NSD3: variants seen among roughly 807,000 people sequenced by gnomAD.
The protein encoded by NSD3 is nuclear receptor binding SET domain protein 3.
NSD3 carries 24 observed loss-of-function variants against 160.8 expected under a neutral mutation model. The ratio of observed to expected loss-of-function variants is 0.15; its 90% CI spans 0.11 to 0.21. The LOEUF (loss-of-function observed/expected upper bound fraction) is 0.21, where lower values mean the gene tolerates loss of function less well. Among genes scored for constraint, NSD3 ranks in the 10% least tolerant of loss-of-function variants. NSD3 has a pLI of 1.00. For missense variants in NSD3, 1,157 were observed against 1,735.9 expected (o/e 0.67, Z 5.93); for synonymous variants, 520 against 600.0 (o/e 0.87, Z 1.95).
chr8:38,349,803 T>A (rs1377574873), intron 1 of NSD3, among the ~76,000 whole-genome samples: 1 of 151,608 alleles, frequency 6.6e-6, no homozygotes, highest in Non-Finnish European at 1.5e-5. Flanking sequence ...GTCATTTACA[T>A]TAGGTATATC....
intron 2 of NSD3, among the ~76,000 whole-genome samples, chr8:38,343,008 A>G (rs1329389270): frequency 6.6e-6 from 1 of 151,628 alleles, no homozygotes; most frequent in Non-Finnish European, 1.5e-5. Context: ...CCTGGCCAAC[A>G]TGGCGAAACC....
chr8:38,319,977 G>A lies in NSD3; in HGVS notation c.1810-1037C>T, dbSNP rs1809759123. ...ACTGACTGGTCACAGACTGATTTTG[G>A]GAACCAGCTGGCAAAATCACAACTT... On this transcript the variant is annotated intron_variant, in intron 8 of 23. Transcript: ENST00000317025. The surrounding 1 kb of genome is among the most constrained non-coding windows in gnomAD (Gnocchi z 4.1). 2 of 151,886 alleles carry A rather than the reference G, an allele frequency of 1.3e-5. No individual in the cohort carries two copies. Among genetic ancestry groups the A allele is most frequent in the Admixed American group, 1.3e-4 (2 of 15,254 alleles). The allele number at this position is 151,886 out of a possible 1,614,324, so 9.4% of individuals were successfully genotyped here. A position where few individuals can be genotyped will look rare whatever the true frequency, so the allele number is the denominator to read the frequency against.
At position 38,286,180 on chromosome 8, in the gene NSD3, G is replaced by A. The variant is rs559274993; in HGVS notation, c.3501+2307C>T. On this transcript the variant is annotated intron_variant, in intron 19 of 23. Transcript: ENST00000317025. ...ATAAGACTTCAGTGTCCATCTTCCT[G>A]TAGTGTCTCTCACCCCTGCTGGCTG... Among the ~76,000 whole-genome samples the A allele has an allele frequency of 5.3e-5, 8 of 152,252 alleles. No individual in the cohort carries two copies. The East Asian group carries it at 1.5e-3, about 29-fold the overall frequency.
intron 16 of NSD3, among the ~76,000 whole-genome samples, chr8:38,292,618 T>TAA (rs556060710): frequency 3.4e-4 from 48 of 142,920 alleles, no homozygotes; most frequent in African/African-American, 1.2e-3. Flanking sequence ...CCATCTCTAC[T>TAA]AAAAAAAAAA....
chr8:38,306,875 G>C (rs982814014), intron 12 of NSD3, among the ~76,000 whole-genome samples: 1 of 152,094 alleles, frequency 6.6e-6, no homozygotes, highest in African/African-American at 2.4e-5. Context: ...AGCACTTTGG[G>C]AGGCCAAGGC....
intron 1 of NSD3, among the ~76,000 whole-genome samples, chr8:38,353,198 G>C (rs569046834): frequency 6.6e-6 from 1 of 152,230 alleles, no homozygotes; most frequent in East Asian, 1.9e-4. Context: ...CAAAAAAACC[G>C]CAGTTCCAGG....
intron 16 of NSD3, among the ~76,000 whole-genome samples, chr8:38,292,813 AAAAC>A (rs1809032807): frequency 6.6e-6 from 1 of 151,224 alleles, no homozygotes; most frequent in Non-Finnish European, 1.5e-5. Context: ...ACAAACAAAA[AAAAC>A]AAAGATTAGC....
intron 14 of NSD3, chr8:38,303,334 A>C (rs1473917800): frequency 1.0e-6 from 1 of 985,328 alleles, no homozygotes; most frequent in East Asian, 1.1e-4. Flanking sequence ...ATATAGCAGG[A>C]AACATTTCAG....
chr8:38,328,447 G>T (rs1191649008), intron 6 of NSD3, among the ~76,000 whole-genome samples: 3 of 152,152 alleles, frequency 2.0e-5, no homozygotes, highest in Non-Finnish European at 4.4e-5. Flanking sequence ...AGTGGGGACT[G>T]CAATTCAAGT....
In NSD3 at chr8:38,317,406, A is replaced by C. The variant is rs190610351; in HGVS notation, c.1856-1364T>G. ...TGGCCTAAAAGATCACTGGATTAAC[A>C]AGGAGTTTTAACAGAGGAACAGGAG... is the stretch of plus-strand genomic sequence containing the variant. On this transcript the variant is annotated intron_variant, in intron 9 of 23. Coordinates refer to ENST00000317025, the MANE Select transcript of NSD3 (RefSeq NM_023034.2). This position sits in a 1 kb window ranked among gnomAD's most constrained non-coding sequence, Gnocchi z 5.3. 2 of 1,054,836 alleles carry C rather than the reference A, an allele frequency of 1.9e-6. No homozygotes were observed. Among genetic ancestry groups the C allele is most frequent in the East Asian group, 1.1e-4 (2 of 18,592 alleles). The allele number at this position is 1,054,836 out of a possible 1,614,324, so 65.3% of individuals were successfully genotyped here. A position where few individuals can be genotyped will look rare whatever the true frequency, so the allele number is the denominator to read the frequency against.
At chr8:38,353,123 C>G (rs545443224) in intron 1 of NSD3, among the ~76,000 whole-genome samples, 8 of 152,118 alleles carry the variant, frequency 5.3e-5, no homozygotes, top group Non-Finnish European at 1.2e-4. Context: ...CTCAAGTGCA[C>G]ATGGCTAAGA....
intron 19 of NSD3, among the ~76,000 whole-genome samples, chr8:38,286,320 C>A (rs1399259112): frequency 2.0e-5 from 3 of 152,066 alleles, no homozygotes; most frequent in African/African-American, 7.2e-5. Flanking sequence ...CACACACACA[C>A]CCCAAAACAA....
In NSD3 at chr8:38,275,219, C is replaced by A; in HGVS notation, c.*422G>T. The A allele has an allele frequency of 3.9e-6, 1 of 259,508 alleles. No individual in the cohort carries two copies. Among genetic ancestry groups the A allele is most frequent in the East Asian group, 5.7e-5 (1 of 17,660 alleles). The allele number at this position is 259,508 out of a possible 1,614,324, so 16.1% of individuals were successfully genotyped here. ...CACACTTGATTAGACTATTGAACTA[C>A]ACTTCTTGAAATTCCTAAAAATGAA... On this transcript the variant is annotated 3_prime_UTR_variant, in exon 24 of 24. Coordinates refer to ENST00000317025, the MANE Select transcript of NSD3 (RefSeq NM_023034.2).
intron 19 of NSD3, among the ~76,000 whole-genome samples, chr8:38,285,861 A>G (rs954009571): frequency 1.3e-5 from 2 of 152,014 alleles, no homozygotes; most frequent in Non-Finnish European, 2.9e-5. Context: ...TCCTGGCTCA[A>G]CTACAACCCC....
At chr8:38,344,278 T>G (rs945761613) in intron 2 of NSD3, among the ~76,000 whole-genome samples, 1 of 152,078 alleles carries the variant, frequency 6.6e-6, no homozygotes, top group Non-Finnish European at 1.5e-5. Context: ...GTTTTTTTAT[T>G]TGTTTGTTTT....
At chr8:38,364,138 A>G (rs947759889) in intron 1 of NSD3, among the ~76,000 whole-genome samples, 1 of 152,128 alleles carries the variant, frequency 6.6e-6, no homozygotes, top group East Asian at 1.9e-4. Flanking sequence ...TTAGCCAGGC[A>G]TGGTGATGCG....
At chr8:38,309,023 C>T (rs1192257583) in intron 12 of NSD3, among the ~76,000 whole-genome samples, 3 of 151,740 alleles carry the variant, frequency 2.0e-5, no homozygotes, top group Non-Finnish European at 4.4e-5. Flanking sequence ...ACAAGTCAGT[C>T]AGTGGCTAGG....
chr8:38,372,743 G>T (rs1005698534), intron 1 of NSD3, among the ~76,000 whole-genome samples: 1 of 149,252 alleles, frequency 6.7e-6, no homozygotes, highest in East Asian at 2.0e-4. Flanking sequence ...TGCTCCGCCC[G>T]CCTCGGCCTC....
At position 38,347,973 on chromosome 8, in the gene NSD3, G is replaced by A; in HGVS notation, c.199C>T (p.Pro67Ser). ...GATGGATACCCATTTGTGAGTGGAG[G>A]AAGATCTTCTGTTGTAGCTGGGTAC... ...FQYPATTEDL[P>S]PLTNGYPSSI... Residue 67 changes from proline to serine, a missense_variant, in exon 2 of 24, where the codon CCT becomes TCT. By Grantham distance (74) the Pro-to-Ser change is moderately conservative. Transcript: ENST00000317025. The A allele has an allele frequency of 6.2e-7, 1 of 1,614,202 alleles. No individual in the cohort carries two copies. The highest frequency in any genetic ancestry group is 1.1e-5 in the South Asian group (1 of 91,084).
Sources: gnomAD v4.1 joint callset for allele counts (sites outside exome capture counted in the v4.1 genomes callset) on GRCh38, gnomAD v4.1.1 for gene constraint, Gnocchi (gnomAD v3.1) non-coding constraint, MANE v1.5 for transcripts, NCBI Gene and HGNC (gene_info 2026-07-23, HGNC 2026-07-21) for gene names.